SLC24A4: variants seen among roughly 807,000 people sequenced by gnomAD.
SLC24A4 encodes solute carrier family 24 member 4, also known as sodium/potassium/calcium exchanger 4.
Under a neutral mutation model 79.0 loss-of-function variants are expected in SLC24A4, and 53 were observed. The observed-to-expected ratio is 0.67, with a 90% confidence interval of 0.54 to 0.84. SLC24A4 has a LOEUF of 0.84. SLC24A4 is among the 40% of genes least tolerant of loss of function. SLC24A4 has a pLI of 0.00. For missense variants in SLC24A4, 731 were observed against 822.0 expected (o/e 0.89, Z 1.35); for synonymous variants, 323 against 323.8 (o/e 1.00, Z 0.03).
At chr14:92,364,240 C>G (rs960480652) in intron 2 of SLC24A4, among the ~76,000 whole-genome samples, 1 of 152,214 alleles carries the variant, frequency 6.6e-6, no homozygotes, top group African/African-American at 2.4e-5. Context: ...ACCACCCAGC[C>G]AGTAGCTGGC....
intron 2 of SLC24A4, among the ~76,000 whole-genome samples, chr14:92,429,998 G>A (rs573616564): frequency 7.9e-5 from 12 of 152,310 alleles, no homozygotes; most frequent in South Asian, 4.1e-4. Context: ...TCTCTTGGTC[G>A]TCTGTTTACT....
At chr14:92,445,502 C>G (rs1290545480) in intron 8 of SLC24A4, among the ~76,000 whole-genome samples, 160 bp downstream of exon 8, 1 of 152,194 alleles carries the variant, frequency 6.6e-6, no homozygotes, top group Admixed American at 6.5e-5. Context: ...TCATGCCTTT[C>G]TTTATCCTGT....
chr14:92,501,063 C>G lies in SLC24A4; in HGVS notation c.*7435C>G, dbSNP rs1896142439. The G allele has an allele frequency of 1.3e-5, 2 of 152,212 alleles. No individual in the cohort carries two copies. The highest frequency in any genetic ancestry group is 2.9e-5 in the Non-Finnish European group (2 of 68,044). The allele number at this position is 152,212 out of a possible 1,614,324, so 9.4% of individuals were successfully genotyped here. On this transcript the variant is annotated 3_prime_UTR_variant, in exon 17 of 17. Transcript: ENST00000532405. The stretch of plus-strand genomic sequence containing the variant: ...CCTGAAAGAACCTCCTTAAAAACAA[C>G]TAAAACGAAGAACTTCTGGGGCTGT...
At chr14:92,447,253 C>A in intron 8 of SLC24A4, 118 bp from the exon 9 acceptor site, 1 of 850,860 alleles carries the variant, frequency 1.2e-6, no homozygotes, top group Non-Finnish European at 1.9e-6. Flanking sequence ...CTGGGCCCGG[C>A]ACTAGGGGCG....
rs1043080182 is a variant in SLC24A4, at chr14:92,491,733, G to A, written c.1606G>A (p.Val536Ile). The A allele has an allele frequency of 1.2e-6, 2 of 1,613,948 alleles. No homozygotes were observed. Among genetic ancestry groups the A allele is most frequent in the East Asian group, 2.2e-5 (1 of 44,884 alleles). ...GTTTGACATCCTGGTAGGACTTGGT[G>A]TACCGTGGGGCCTGCAGACCATGGT... is the stretch of plus-strand genomic sequence containing the variant. ...NVFDILVGLG[V>I]PWGLQTMVVN... is the part of the protein sequence containing the mutation. Residue 536 changes from valine (V) to isoleucine (I), a missense_variant, in exon 15 of 17, where the codon GTA (valine) becomes ATA (isoleucine). Physicochemically the swap from Val to Ile is conservative, Grantham distance 29. Coordinates refer to ENST00000532405, the MANE Select transcript of SLC24A4 (RefSeq NM_153646.4).
chr14:92,460,829 G>A (rs1007864560), intron 12 of SLC24A4, among the ~76,000 whole-genome samples: 1 of 152,186 alleles, frequency 6.6e-6, no homozygotes, highest in Non-Finnish European at 1.5e-5. Flanking sequence ...CCCAGATGAC[G>A]GGTCGCTGGG....
At chr14:92,408,966 G>A (rs1890554303) in intron 2 of SLC24A4, among the ~76,000 whole-genome samples, 1 of 152,166 alleles carries the variant, frequency 6.6e-6, no homozygotes, top group Non-Finnish European at 1.5e-5. Context: ...AAAGAGAAAA[G>A]GTGTGGGAAA....
chr14:92,474,843 G>GTGTGTATATATATATATATATATATA (rs779007741), intron 12 of SLC24A4, among the ~76,000 whole-genome samples: 1 of 23,884 alleles, frequency 4.2e-5, no homozygotes, highest in Non-Finnish European at 1.2e-4. Flanking sequence ...GTGTGTGTGT[G>GTGTGTATATATATATATATATATATA]TATATATATA....
At chr14:92,453,769 C>G in intron 10 of SLC24A4, 131 bp from the exon 11 acceptor site, 1 of 990,270 alleles carries the variant, frequency 1.0e-6, no homozygotes, top group South Asian at 2.0e-5. Flanking sequence ...GGCATCCAGA[C>G]TTCCCGGTGG....
At chr14:92,473,616 C>T (rs1186903992) in intron 12 of SLC24A4, among the ~76,000 whole-genome samples, 1 of 152,144 alleles carries the variant, frequency 6.6e-6, no homozygotes, top group East Asian at 1.9e-4. Context: ...AGAGGTGTTT[C>T]CTGGAGCCAG....
At chr14:92,426,200 G>T (rs1891559151) in intron 2 of SLC24A4, among the ~76,000 whole-genome samples, 1 of 152,226 alleles carries the variant, frequency 6.6e-6, no homozygotes, top group South Asian at 2.1e-4. Context: ...AATAAATAAA[G>T]AAGGTTTATA....
chr14:92,456,313 G>T lies in SLC24A4; in HGVS notation c.1051-91G>T, dbSNP rs138134960. On this transcript the variant is annotated intron_variant, in intron 11 of 16. Transcript: ENST00000532405. ...GGGTTGTTGTTCTAGGCACCTGTAA[G>T]AGCAGGGTGCGTGTGAGGGACCCAG... The T allele has an allele frequency of 2.9e-4, 383 of 1,323,996 alleles. 1 individual carries two copies. The African/African-American group carries it at 4.8e-3, about 17-fold the overall frequency. 82.0% of individuals were successfully genotyped at this position (1,323,996 alleles called of 1,614,324 possible).
At chr14:92,326,048 G>A (rs953101706) in intron 2 of SLC24A4, 70 bp downstream of exon 2, 2 of 1,116,154 alleles carry the variant, frequency 1.8e-6, no homozygotes, top group Non-Finnish European at 2.6e-6. Flanking sequence ...GCGCTTATGT[G>A]GGTGGTTACA....
intron 12 of SLC24A4, among the ~76,000 whole-genome samples, chr14:92,473,797 G>A (rs1226387327): frequency 2.6e-5 from 4 of 152,088 alleles, no homozygotes; most frequent in Non-Finnish European, 4.4e-5. Flanking sequence ...CGCCGAAATC[G>A]GTTCCAATTT....
At chr14:92,492,708 C>T (rs1389726357) in intron 16 of SLC24A4, 9 of 382,550 alleles carry the variant, frequency 2.4e-5, no homozygotes, top group Middle Eastern at 9.3e-4. Context: ...ATTCCCATTG[C>T]AGAAGAAATC....
chr14:92,443,696 A>T (rs1892632781), intron 7 of SLC24A4, among the ~76,000 whole-genome samples: 1 of 152,226 alleles, frequency 6.6e-6, no homozygotes, highest in South Asian at 2.1e-4. Flanking sequence ...CTCCCACAGA[A>T]AGCAGGAGAG....
chr14:92,434,974 A>C (rs1028176460), intron 3 of SLC24A4, among the ~76,000 whole-genome samples: 6 of 152,088 alleles, frequency 3.9e-5, no homozygotes, highest in African/African-American at 1.4e-4. Context: ...GGGTTTAACC[A>C]TGTTGGCCAG....
At chr14:92,442,886 G>A (rs2139813259) in intron 6 of SLC24A4, 70 bp downstream of exon 6, 1 of 1,332,902 alleles carries the variant, frequency 7.5e-7, no homozygotes, top group Non-Finnish European at 1.1e-6. Context: ...CTAATGACAA[G>A]AGGTTGGGGT....
intron 2 of SLC24A4, among the ~76,000 whole-genome samples, chr14:92,417,366 TAG>T (rs1310952248): frequency 1.3e-5 from 2 of 152,216 alleles, no homozygotes; most frequent in Admixed American, 6.5e-5. Context: ...AAATAGCTTA[TAG>T]AATAAGAACA....
Sources: allele counts gnomAD v4.1 joint callset (sites outside exome capture counted in the v4.1 genomes callset), GRCh38; gene constraint gnomAD v4.1.1; transcripts MANE v1.5; gene names NCBI Gene and HGNC (gene_info 2026-07-23, HGNC 2026-07-21).